The following KLHL3 variants were observed in gnomAD, a reference collection of about 807,000 sequenced individuals.
KLHL3 encodes kelch like family member 3.
Under a neutral mutation model 70.5 loss-of-function variants are expected in KLHL3, and 19 were observed. That is an observed-to-expected ratio of 0.27 (90% CI 0.19 to 0.40). KLHL3 has a LOEUF of 0.40. Ranked by LOEUF, KLHL3 falls within the 10% of genes least tolerant of loss-of-function variation. The pLI is 1.00. For missense variants in KLHL3, 512 were observed against 771.1 expected (o/e 0.66, Z 3.98); for synonymous variants, 258 against 290.3 (o/e 0.89, Z 1.13).
intron 2 of KLHL3, among the ~76,000 whole-genome samples, chr5:137,720,131 C>G (rs1231009457): frequency 1.3e-5 from 2 of 151,808 alleles, no homozygotes; most frequent in Non-Finnish European, 2.9e-5. Context: ...GAAACCCCGT[C>G]TCTACTAAAA....
At chr5:137,723,140 G>C (rs1187285145) in intron 1 of KLHL3, among the ~76,000 whole-genome samples, 1 of 152,100 alleles carries the variant, frequency 6.6e-6, no homozygotes, top group East Asian at 1.9e-4. Context: ...TTATTCCACT[G>C]GTCAGTTTGT....
chr5:137,625,133 C>T (rs551429548), intron 14 of KLHL3, among the ~76,000 whole-genome samples: 1 of 152,360 alleles, frequency 6.6e-6, no homozygotes, highest in Non-Finnish European at 1.5e-5. Flanking sequence ...AGAACAAATG[C>T]ACACTCTGTT....
At chr5:137,704,969 TTG>T (rs1378832436) in intron 3 of KLHL3, among the ~76,000 whole-genome samples, 1 of 152,166 alleles carries the variant, frequency 6.6e-6, no homozygotes, top group Non-Finnish European at 1.5e-5. Context: ...GGTGAAGCCA[TTG>T]CTCCTTCATC....
chr5:137,631,089 AAG>A (rs1183672299), intron 12 of KLHL3, among the ~76,000 whole-genome samples: 4 of 141,900 alleles, frequency 2.8e-5, no homozygotes, highest in African/African-American at 5.7e-5. Flanking sequence ...AAAAAAAAAA[AAG>A]AGAGAGAGAG....
chr5:137,641,053 C>T (rs1042321032), intron 8 of KLHL3, among the ~76,000 whole-genome samples: 2 of 152,138 alleles, frequency 1.3e-5, no homozygotes, highest in African/African-American at 4.8e-5. Flanking sequence ...ATTATGGTAT[C>T]ACTGCTGTGT....
At chr5:137,629,075 C>T (rs12153148) in intron 12 of KLHL3, 27,959 of 152,182 alleles carry the variant, frequency 0.18, 2,759 homozygotes, top group Non-Finnish European at 0.22. Flanking sequence ...TCCTCCTGTA[C>T]TGCAGAGGGC....
chr5:137,622,746 T>A (rs943302798), intron 14 of KLHL3, among the ~76,000 whole-genome samples: 2 of 152,216 alleles, frequency 1.3e-5, no homozygotes, highest in African/African-American at 4.8e-5. Flanking sequence ...GTTACTGTTT[T>A]AGTCCGAGTG....
intron 1 of KLHL3, among the ~76,000 whole-genome samples, chr5:137,723,365 C>G (rs527964505): frequency 8.5e-5 from 13 of 152,270 alleles, no homozygotes; most frequent in African/African-American, 3.1e-4. Flanking sequence ...ACTATGCCCT[C>G]CTATCCATGA....
chr5:137,621,588 G>T lies in KLHL3; in HGVS notation c.*510C>A. ...CACTGGTTATTTCTGGACATTCCCA[G>T]ACTGTCCAACTGGACCTTCAGAAGA... On this transcript the variant is annotated 3_prime_UTR_variant, in exon 15 of 15. Transcript: ENST00000309755. The T allele has an allele frequency of 6.4e-6, 1 of 156,230 alleles. No homozygotes were observed. The highest frequency in any genetic ancestry group is 6.3e-5 in the Admixed American group (1 of 15,838). 9.7% of individuals were successfully genotyped at this position (156,230 alleles called of 1,614,324 possible). A position where few individuals can be genotyped will look rare whatever the true frequency, so the allele number is the denominator to read the frequency against.
chr5:137,730,059 G>A (rs774409698), intron 1 of KLHL3, among the ~76,000 whole-genome samples: 1 of 152,076 alleles, frequency 6.6e-6, no homozygotes, highest in Non-Finnish European at 1.5e-5. Flanking sequence ...GAAAGTTGAG[G>A]GTATGTTAAA....
At chr5:137,689,876 T>A (rs756804769) in intron 5 of KLHL3, among the ~76,000 whole-genome samples, 59 of 152,208 alleles carry the variant, frequency 3.9e-4, no homozygotes, top group Non-Finnish European at 8.2e-4. Flanking sequence ...GACAACTGTA[T>A]CAGCCAATTA....
chr5:137,725,150 C>T (rs571448536), intron 1 of KLHL3: 1 of 663,574 alleles, frequency 1.5e-6, no homozygotes, highest in South Asian at 6.7e-5. Context: ...TTCTTATTTC[C>T]AAATAAGGCT....
chr5:137,624,959 G>T (rs921150556), intron 14 of KLHL3, among the ~76,000 whole-genome samples: 14 of 152,194 alleles, frequency 9.2e-5, no homozygotes, highest in Non-Finnish European at 1.9e-4. Flanking sequence ...CTGAGCTGGG[G>T]TAGCACAAAG....
intron 1 of KLHL3, among the ~76,000 whole-genome samples, chr5:137,729,686 C>A (rs1011125511): frequency 6.6e-6 from 1 of 152,138 alleles, no homozygotes; most frequent in Admixed American, 6.5e-5. Flanking sequence ...CAACTCTGGA[C>A]AGCAATGGGA....
chr5:137,647,438 A>G, intron 8 of KLHL3: 1 of 440,124 alleles, frequency 2.3e-6, no homozygotes, highest in Admixed American at 2.5e-5. Flanking sequence ...CCCTGGCCTC[A>G]GGACTACATA....
intron 7 of KLHL3, 179 bp downstream of exon 7, chr5:137,661,736 T>C: frequency 2.0e-6 from 1 of 512,326 alleles, no homozygotes; most frequent in Non-Finnish European, 3.5e-6. Context: ...GTGTCCTATT[T>C]TCAAGCCTAT....
intron 8 of KLHL3, 67 bp downstream of exon 8, chr5:137,658,064 C>T (rs914759099): frequency 6.8e-7 from 1 of 1,476,230 alleles, no homozygotes; most frequent in African/African-American, 1.4e-5. Context: ...GACTTGGAGG[C>T]AGGAGTGGAA....
chr5:137,677,766 C>A, intron 5 of KLHL3, 112 bp from the exon 6 acceptor site: 1 of 566,090 alleles, frequency 1.8e-6, no homozygotes, highest in Non-Finnish European at 3.0e-6. Flanking sequence ...GCCAGGGGGA[C>A]CATGGAGGGA....
Position 137,620,197 on chromosome 5 carries a change from A to AT in KLHL3, c.*1900dup, listed in dbSNP as rs972345028. ...TCTTCCAGGTCCCCCAAAGCTGGAT[A>AT]TTTTAGCCTCTTCTGAAGGCTTCTA... On this transcript the variant is annotated 3_prime_UTR_variant, in exon 15 of 15. Coordinates refer to ENST00000309755, the MANE Select transcript of KLHL3 (RefSeq NM_017415.3). 2 of 152,212 alleles carry AT rather than the reference A, an allele frequency of 1.3e-5. No homozygotes were observed. The highest frequency in any genetic ancestry group is 2.9e-5 in the Non-Finnish European group (2 of 68,022). The allele number at this position is 152,212 out of a possible 1,614,324, so 9.4% of individuals were successfully genotyped here.
Sources: gnomAD v4.1 joint callset for allele counts (sites outside exome capture counted in the v4.1 genomes callset) on GRCh38, gnomAD v4.1.1 for gene constraint, MANE v1.5 for transcripts, NCBI Gene and HGNC (gene_info 2026-07-23, HGNC 2026-07-21) for gene names.